The following HDAC4 variants were observed in gnomAD, a reference collection of about 807,000 sequenced individuals.
HDAC4 encodes histone deacetylase A.
In HDAC4, 16 loss-of-function variants were observed where a neutral mutation model predicts 135.1. The observed-to-expected ratio is 0.12, with a 90% CI of 0.08 to 0.18. HDAC4 has a LOEUF of 0.18. Ranked by LOEUF, HDAC4 falls within the 10% of genes least tolerant of loss-of-function variation. The pLI, the probability that HDAC4 is intolerant of heterozygous loss-of-function variation, is 1.00. For synonymous variants in HDAC4, 685 were observed against 653.4 expected, an observed-to-expected ratio of 1.05 and a Z score of -0.74; for missense variants, 1,143 against 1,511.8, an observed-to-expected ratio of 0.76 and a Z score of 4.05.
At chr2:239,123,611 C>T (rs1390734508) in intron 12 of HDAC4, among the ~76,000 whole-genome samples, 4 of 152,232 alleles carry the variant, frequency 2.6e-5, no homozygotes, top group African/African-American at 4.8e-5. Flanking sequence ...GGGCCTTCCC[C>T]GACTCAGCCC....
intron 1 of HDAC4, among the ~76,000 whole-genome samples, chr2:239,390,179 G>T (rs1324115600): frequency 6.6e-6 from 1 of 152,092 alleles, no homozygotes; most frequent in African/African-American, 2.4e-5. Context: ...TGAGGCCACA[G>T]TACCTAGCGA....
intron 2 of HDAC4, among the ~76,000 whole-genome samples, chr2:239,346,901 T>A (rs1168027092): frequency 6.1e-4 from 76 of 125,606 alleles, no homozygotes; most frequent in African/African-American, 2.2e-3. Context: ...ACCCTGTCTC[T>A]CACACACACA....
At chr2:239,191,346 T>C (rs1575356416) in intron 3 of HDAC4, among the ~76,000 whole-genome samples, 1 of 152,356 alleles carries the variant, frequency 6.6e-6, no homozygotes, top group East Asian at 1.9e-4. Flanking sequence ...GTCTCTGGAC[T>C]GGCTTAAGAC....
intron 12 of HDAC4, among the ~76,000 whole-genome samples, chr2:239,122,436 A>C (rs1430502085): frequency 6.6e-6 from 1 of 152,246 alleles, no homozygotes; most frequent in Non-Finnish European, 1.5e-5. Flanking sequence ...ACGGAGGGCC[A>C]GTTTCACCTG....
At chr2:239,153,769 A>C (rs1215998009) in intron 7 of HDAC4, among the ~76,000 whole-genome samples, 1 of 152,234 alleles carries the variant, frequency 6.6e-6, no homozygotes, top group African/African-American at 2.4e-5. Flanking sequence ...ACAAGGTTAG[A>C]AGCACAGTAG....
At chr2:239,255,745 C>A (rs912360540) in intron 2 of HDAC4, among the ~76,000 whole-genome samples, 1 of 152,136 alleles carries the variant, frequency 6.6e-6, no homozygotes, top group African/African-American at 2.4e-5. Flanking sequence ...GGTACGAGCT[C>A]AGCAATCCTA....
chr2:239,359,650 C>T (rs575456437), intron 1 of HDAC4, among the ~76,000 whole-genome samples: 100 of 152,290 alleles, frequency 6.6e-4, no homozygotes, highest in Middle Eastern at 6.8e-3. Context: ...ACTCAGCCTT[C>T]GGGTCACCTT....
chr2:239,122,303 G>A (rs1374604905), intron 12 of HDAC4, among the ~76,000 whole-genome samples: 1 of 152,206 alleles, frequency 6.6e-6, no homozygotes, highest in African/African-American at 2.4e-5. Context: ...TGCTGTAGGG[G>A]TGGAGGACAC....
rs566977372 is a variant in HDAC4 at position 239,149,805 on chromosome 2, C to G, written c.734-5091G>C. ...ACACCAACAGGCTCGCCATCTTCAC[C>G]ACTGGCCACATTGCCTAGAATGAAC... On this transcript the variant is annotated intron_variant, in intron 7 of 26. Coordinates refer to ENST00000543185, the MANE Select transcript of HDAC4 (RefSeq NM_001378414.1). 2.6e-5 allele frequency among the ~76,000 whole-genome samples: 4 copies of G among 152,308 alleles called. No individual in the cohort carries two copies. The South Asian group carries it at 6.2e-4, about 24-fold the overall frequency.
chr2:239,267,576 C>T (rs1272031042), intron 2 of HDAC4, among the ~76,000 whole-genome samples: 1 of 152,276 alleles, frequency 6.6e-6, no homozygotes, highest in African/African-American at 2.4e-5. Context: ...AGCCACAAAC[C>T]GGAAACGTTA....
intron 1 of HDAC4, among the ~76,000 whole-genome samples, chr2:239,385,638 C>T (rs1053817869): frequency 6.6e-6 from 1 of 152,224 alleles, no homozygotes; most frequent in Non-Finnish European, 1.5e-5. Context: ...ATAAGGAACA[C>T]GCACACGCCT....
Position 239,190,181 on chromosome 2 carries a change from G to GC in HDAC4, c.95-105_95-104insG, listed in dbSNP as rs142029376. 5,128 of 1,431,224 alleles carry GC rather than the reference G, an allele frequency of 3.6e-3. 205 individuals are homozygous for GC. The African/African-American group carries it at 0.068, about 19-fold the overall frequency. The allele number at this position is 1,431,224 out of a possible 1,614,324, so 88.7% of individuals were successfully genotyped here. ...CTGGCCACCTTCACGGGGCGGGGGG[G>GC]GGGTTGTGACCATTTGAGGATTGGA... On this transcript the variant is annotated intron_variant, in intron 3 of 26. Coordinates refer to ENST00000543185, the MANE Select transcript of HDAC4 (RefSeq NM_001378414.1).
intron 2 of HDAC4, among the ~76,000 whole-genome samples, chr2:239,332,448 C>A (rs1195497087): frequency 6.6e-6 from 1 of 151,790 alleles, no homozygotes; most frequent in East Asian, 1.9e-4. Flanking sequence ...AAAATACTAG[C>A]AAATTCATAA....
chr2:239,211,417 A>G (rs1003812357), intron 3 of HDAC4, among the ~76,000 whole-genome samples: 7 of 152,298 alleles, frequency 4.6e-5, no homozygotes, highest in African/African-American at 1.7e-4. Flanking sequence ...GATGGTCCCC[A>G]GGGTGGTCCG....
At chr2:239,195,211 G>C (rs925849726) in intron 3 of HDAC4, among the ~76,000 whole-genome samples, 1 of 152,242 alleles carries the variant, frequency 6.6e-6, no homozygotes, top group African/African-American at 2.4e-5. Flanking sequence ...TGGTTTACCG[G>C]ACTGCCACGT....
intron 1 of HDAC4, among the ~76,000 whole-genome samples, chr2:239,370,876 G>A (rs1490438316): frequency 6.6e-6 from 1 of 152,222 alleles, no homozygotes; most frequent in Non-Finnish European, 1.5e-5. Context: ...AGCTAAATGA[G>A]TCATAAAGGT....
At chr2:239,380,185 A>G (rs1294270939) in intron 1 of HDAC4, among the ~76,000 whole-genome samples, 2 of 152,262 alleles carry the variant, frequency 1.3e-5, no homozygotes, top group Admixed American at 6.5e-5. Flanking sequence ...GATCTGGACC[A>G]GAGGAATAAG....
At position 239,167,814 on chromosome 2, in the gene HDAC4, G is replaced by A. The variant is rs572991009; in HGVS notation, c.491-3891C>T. On this transcript the variant is annotated intron_variant, in intron 5 of 26. Transcript: ENST00000543185. The surrounding 1 kb of genome is among the most constrained non-coding windows in gnomAD (Gnocchi z 4.1). Reference sequence around the variant, plus strand: ...CAGAGGCTCTATGAGATGCCAGCCCGTTCTGGCCAGCAGAGATGAAGCGGT... The same window carrying A: ...CAGAGGCTCTATGAGATGCCAGCCCATTCTGGCCAGCAGAGATGAAGCGGT... 2.4e-4 allele frequency among the ~76,000 whole-genome samples: 37 copies of A among 151,798 alleles called. No homozygotes were observed. The highest frequency in any genetic ancestry group is 7.5e-4 in the African/African-American group (31 of 41,328).
At chr2:239,166,770 G>C (rs1479869876) in intron 5 of HDAC4, among the ~76,000 whole-genome samples, 9 of 152,152 alleles carry the variant, frequency 5.9e-5, no homozygotes. Context: ...AGGAATAAAA[G>C]GAAAGGCCGG....
Sources: allele counts gnomAD v4.1 joint callset (sites outside exome capture counted in the v4.1 genomes callset), GRCh38; gene constraint gnomAD v4.1.1; non-coding constraint Gnocchi (gnomAD v3.1); transcripts MANE v1.5; gene names NCBI Gene and HGNC (gene_info 2026-07-23, HGNC 2026-07-21).